The following PTPN23 variants were observed in gnomAD, a reference collection of about 807,000 sequenced individuals.
PTPN23 encodes tyrosine-protein phosphatase non-receptor type 23.
PTPN23 carries 72 observed loss-of-function variants against 156.3 expected under a neutral mutation model. The ratio of observed to expected loss-of-function variants is 0.46; its 90% CI spans 0.38 to 0.56. PTPN23 has a LOEUF of 0.56. PTPN23 is among the 20% of genes least tolerant of loss of function. PTPN23 has a pLI of 0.00. For missense variants in PTPN23, 1,974 were observed against 2,171.5 expected, an observed-to-expected ratio of 0.91 and a Z score of 1.81; for synonymous variants, 957 against 899.6, an observed-to-expected ratio of 1.06 and a Z score of -1.14.
Position 47,408,907 on chromosome 3 carries a change from A to C in PTPN23, c.1462A>C (p.Lys488Gln). ...GQAGAISITS[K>Q]AELAEVRREW... ...GGCAGGGGCCATCTCCATCACCTCC[A>C]AGGCTGAGCTGGCAGAGGTGAGGCG... The change falls in exon 16 of 25, where the codon AAG becomes CAG. Residue 488 changes from lysine to glutamine, a missense_variant. Around this residue, in one of 4 missense-constraint regions of PTPN23, gnomAD observed 726 missense variants for 929.5 expected, o/e 0.78. Coordinates refer to ENST00000265562, the MANE Select transcript of PTPN23 (RefSeq NM_015466.4). 3.7e-6 allele frequency: 6 copies of C among 1,614,254 alleles called. No individual in the cohort carries two copies. The highest frequency in any genetic ancestry group is 4.2e-6 in the Non-Finnish European group (5 of 1,180,046).
Position 47,407,249 on chromosome 3 carries a change from G to T in PTPN23, c.865-60G>T. The T allele has an allele frequency of 1.1e-5, 18 of 1,613,306 alleles. No homozygotes were observed. Among genetic ancestry groups the T allele is most frequent in the Non-Finnish European group, 1.4e-5 (17 of 1,179,404 alleles). On this transcript the variant is annotated intron_variant, in intron 10 of 24. Transcript: ENST00000265562. This position sits in a 1 kb window ranked among gnomAD's most constrained non-coding sequence, Gnocchi z 4.0. ...GGAGCAAGCCCGGTAGGACTGAGGG[G>T]GTGTCCTGGTGCCAGCCTTGGTTAG... is the stretch of plus-strand genomic sequence containing the variant.
intron 21 of PTPN23, 49 bp from the exon 22 acceptor site, chr3:47,412,045 A>G: frequency 6.2e-7 from 1 of 1,609,366 alleles, no homozygotes; most frequent in Non-Finnish European, 8.5e-7. Flanking sequence ...TGAGAGCCTC[A>G]GGTCAGGCCT....
At position 47,409,220 on chromosome 3, in the gene PTPN23, G is replaced by T; in HGVS notation, c.1700G>T (p.Arg567Leu). 1 of 1,614,118 alleles carries T rather than the reference G, an allele frequency of 6.2e-7. No homozygotes were observed. The highest frequency in any genetic ancestry group is 8.5e-7 in the Non-Finnish European group (1 of 1,180,030). ...KRILAKVQEM[R>L]DQRVSLEQQL... ...ATCCTGGCTAAGGTGCAGGAGATGC[G>T]GGACCAGCGCGTGTCCCTGGAGCAG... Residue 567 changes from arginine to leucine, a missense_variant, in exon 17 of 25, where the codon CGG (arginine) becomes CTG (leucine). Physicochemically the swap from Arg to Leu is moderately radical, Grantham distance 102. Around this residue, in one of 4 missense-constraint regions of PTPN23, gnomAD observed 726 missense variants for 929.5 expected, o/e 0.78. Coordinates refer to ENST00000265562, the MANE Select transcript of PTPN23 (RefSeq NM_015466.4).
In PTPN23 at chr3:47,407,395, CCT is replaced by C; in HGVS notation, c.923+31_923+32del. The C allele has an allele frequency of 1.9e-6, 3 of 1,613,196 alleles. No homozygotes were observed. Among genetic ancestry groups the C allele is most frequent in the Non-Finnish European group, 2.5e-6 (3 of 1,179,454 alleles). ...GAGTCTGTGGGGGTGGCCCTGGTTCCCTCTTTTTGTGAAGGGTCTTGTCCCTC... is the reference window on the plus strand; with the variant it reads ...GAGTCTGTGGGGGTGGCCCTGGTTCCCTTTTTGTGAAGGGTCTTGTCCCTC... On this transcript the variant is annotated intron_variant, in intron 11 of 24. Transcript: ENST00000265562. This position sits in a 1 kb window ranked among gnomAD's most constrained non-coding sequence, Gnocchi z 4.0.
At position 47,412,339 on chromosome 3, in the gene PTPN23, T is replaced by C; in HGVS notation, c.4235T>C (p.Val1412Ala). The change falls in exon 23 of 25, where the codon GTG becomes GCG. Residue 1412 changes from valine (V) to alanine (A), a missense_variant. Around this residue, in one of 4 missense-constraint regions of PTPN23, gnomAD observed 484 missense variants for 516.0 expected, o/e 0.94. Transcript: ENST00000265562. ...CTGCTCTATGCAGCTGTGCAGGAGG[T>C]GGAGGCTGGGAACGGAATCCCTGAG... ...FALLYAAVQE[V>A]EAGNGIPELP... The C allele has an allele frequency of 6.2e-7, 1 of 1,613,132 alleles. No individual in the cohort carries two copies. Among genetic ancestry groups the C allele is most frequent in the South Asian group, 1.1e-5 (1 of 91,072 alleles).
chr3:47,407,954 G>A lies in PTPN23; in HGVS notation c.1183G>A (p.Asp395Asn). Residue 395 changes from aspartate (D) to asparagine (N), a missense_variant and splice_region_variant, in exon 14 of 25, where the codon GAC becomes AAC. Physicochemically the swap from Asp to Asn is conservative, Grantham distance 23 (BLOSUM62 1). This residue lies in a region of PTPN23 where 726 missense variants were observed against 929.5 expected (regional missense o/e 0.78). Coordinates refer to ENST00000265562, the MANE Select transcript of PTPN23 (RefSeq NM_015466.4). This position sits in a 1 kb window ranked among gnomAD's most constrained non-coding sequence, Gnocchi z 4.0. Reference sequence around the variant, plus strand: ...GATTGAGGACAAGAATGAGGTCCTGGAGTGAGTGTGGGACTTGGGCAGGGA... The same window carrying A: ...GATTGAGGACAAGAATGAGGTCCTGAAGTGAGTGTGGGACTTGGGCAGGGA... ...AKIEDKNEVLDQFMDSMQLDP... is the reference protein window; with the variant it reads ...AKIEDKNEVLNQFMDSMQLDP... 1 of 1,613,574 alleles carries A rather than the reference G, an allele frequency of 6.2e-7. No individual in the cohort carries two copies. The highest frequency in any genetic ancestry group is 8.5e-7 in the Non-Finnish European group (1 of 1,179,836).
chr3:47,397,990 G>A (rs1704913972), intron 2 of PTPN23, among the ~76,000 whole-genome samples: 1 of 152,006 alleles, frequency 6.6e-6, no homozygotes, highest in Non-Finnish European at 1.5e-5. Flanking sequence ...TATTTTCTAT[G>A]TCAGTTATTC....
At chr3:47,398,216 T>C (rs1704919613) in intron 2 of PTPN23, among the ~76,000 whole-genome samples, 1 of 152,164 alleles carries the variant, frequency 6.6e-6, no homozygotes, top group Non-Finnish European at 1.5e-5. Context: ...GGAAAATTAC[T>C]TGAACCCAGG....
intron 2 of PTPN23, among the ~76,000 whole-genome samples, chr3:47,404,087 G>A (rs536129219): frequency 6.6e-6 from 1 of 152,216 alleles, no homozygotes; most frequent in East Asian, 1.9e-4. Context: ...AAAACTGTGG[G>A]CCAAAAGTTA....
Position 47,411,329 on chromosome 3 carries a change from G to A in PTPN23, c.3531G>A (p.Glu1177=), listed in dbSNP as rs1705283363. The change falls in exon 20 of 25, where the codon GAG becomes GAA. Residue 1177 remains glutamate (E), a synonymous_variant. Coordinates refer to ENST00000265562, the MANE Select transcript of PTPN23 (RefSeq NM_015466.4). This position sits in a 1 kb window ranked among gnomAD's most constrained non-coding sequence, Gnocchi z 6.3. ...AGAGGCTGCGGCAGTTGCAGCAGGA[G>A]CTGGAGGCCTTTCGGGGTCAGCTGG... The part of the protein sequence containing the change: ...HPERLRQLQQ[E]LEAFRGQLGD... 1 of 1,612,742 alleles carries A rather than the reference G, an allele frequency of 6.2e-7. No individual in the cohort carries two copies. The highest frequency in any genetic ancestry group is 1.7e-5 in the Admixed American group (1 of 60,008).
chr3:47,407,690 C>G lies in PTPN23; in HGVS notation c.1004-7C>G. 6.2e-7 allele frequency: 1 copy of G among 1,611,234 alleles called. No individual in the cohort carries two copies. The highest frequency in any genetic ancestry group is 8.5e-7 in the Non-Finnish European group (1 of 1,177,454). ...GGGCCTGATCTCCACAATTCCCACC[C>G]CCCCAGGAGCCCCCTTGGTGAAGCC... On this transcript the variant is annotated splice_region_variant and splice_polypyrimidine_tract_variant and intron_variant, in intron 12 of 24. Transcript: ENST00000265562. This position sits in a 1 kb window ranked among gnomAD's most constrained non-coding sequence, Gnocchi z 4.0.
At position 47,410,419 on chromosome 3, in the gene PTPN23, C is replaced by A; in HGVS notation, c.2621C>A (p.Ala874Asp). The part of the protein sequence containing the change: ...PPPQFSGPEL[A>D]MAVRPATTTV... ...CCTCAATTCTCAGGCCCCGAGTTGG[C>A]CATGGCGGTTCGGCCAGCCACCACC... Residue 874 changes from alanine to aspartate, a missense_variant, in exon 20 of 25, where the codon GCC becomes GAC. Around this residue, in one of 4 missense-constraint regions of PTPN23, gnomAD observed 731 missense variants for 669.1 expected, o/e 1.09. Transcript: ENST00000265562. 1 of 1,611,912 alleles carries A rather than the reference C, an allele frequency of 6.2e-7. No individual in the cohort carries two copies.
At chr3:47,391,801 C>T (rs1490609411) in intron 1 of PTPN23, among the ~76,000 whole-genome samples, 1 of 152,202 alleles carries the variant, frequency 6.6e-6, no homozygotes, top group Non-Finnish European at 1.5e-5. Flanking sequence ...GGCAAAACCT[C>T]TTACTGCAAG....
rs199522138 is a variant in PTPN23, at chr3:47,410,343, G to A, written c.2545G>A (p.Val849Met). The A allele has an allele frequency of 1.1e-4, 183 of 1,608,250 alleles. No individual in the cohort carries two copies. Among genetic ancestry groups the A allele is most frequent in the Middle Eastern group, 3.3e-4 (2 of 6,040 alleles). Reference sequence around the variant, plus strand: ...GCATGGCGTGGTGAGCAGTCCCTATGTGGGGGTAGGGCCGGCCCCACCAGT... The same window carrying A: ...GCATGGCGTGGTGAGCAGTCCCTATATGGGGGTAGGGCCGGCCCCACCAGT... ...PQHGVVSSPYVGVGPAPPVAG... is the reference protein window; with the variant it reads ...PQHGVVSSPYMGVGPAPPVAG... Residue 849 changes from valine to methionine, a missense_variant, in exon 20 of 25, where the codon GTG (valine) becomes ATG (methionine). Val to Met is a conservative substitution (Grantham distance 21). This residue lies in a region of PTPN23 where 731 missense variants were observed against 669.1 expected (regional missense o/e 1.09). Coordinates refer to ENST00000265562, the MANE Select transcript of PTPN23 (RefSeq NM_015466.4).
rs925814753 is a variant in PTPN23 at position 47,412,378 on chromosome 3, T to A, written c.4274T>A (p.Val1425Glu). 1.9e-6 allele frequency: 3 copies of A among 1,613,126 alleles called. No homozygotes were observed. Among genetic ancestry groups the A allele is most frequent in the Non-Finnish European group, 2.5e-6 (3 of 1,180,010 alleles). ...GNGIPELPQL[V>E]RRMRQQRKHM... Reference sequence around the variant, plus strand: ...GGAATCCCTGAGCTGCCTCAGCTGGTGCGGCGCATGCGGCAGCAGAGAAAG... The same window carrying A: ...GGAATCCCTGAGCTGCCTCAGCTGGAGCGGCGCATGCGGCAGCAGAGAAAG... The change falls in exon 23 of 25, where the codon GTG becomes GAG. Residue 1425 changes from valine (V) to glutamate (E), a missense_variant. Coordinates refer to ENST00000265562, the MANE Select transcript of PTPN23 (RefSeq NM_015466.4).
rs1448606676 is a variant in PTPN23, at chr3:47,409,972, C to T, written c.2174C>T (p.Pro725Leu). 1.3e-5 allele frequency: 20 copies of T among 1,582,234 alleles called. No homozygotes were observed. The South Asian group carries it at 1.3e-4, about 10-fold the overall frequency. The part of the protein sequence containing the change: ...KPPPRPTAPK[P>L]LLPRREESEA... ...CCGCCACGGCCCACAGCCCCAAAGC[C>T]GCTGCTGCCCCGCAGGGAGGAGAGT... is the stretch of plus-strand genomic sequence containing the variant. Residue 725 changes from proline to leucine, a missense_variant, in exon 20 of 25, where the codon CCG (proline) becomes CTG (leucine). Around this residue, in one of 4 missense-constraint regions of PTPN23, gnomAD observed 731 missense variants for 669.1 expected, o/e 1.09. Transcript: ENST00000265562.
chr3:47,383,143 C>G (rs779229027), intron 1 of PTPN23, among the ~76,000 whole-genome samples: 1 of 152,162 alleles, frequency 6.6e-6, no homozygotes, highest in Non-Finnish European at 1.5e-5. Flanking sequence ...TGTGCTTCAT[C>G]TACTGTGTGC....
In PTPN23 at chr3:47,406,675, A is replaced by G; in HGVS notation, c.760-28A>G. Reference sequence around the variant, plus strand: ...CTGAGTGGCCACAGCTCAGGAAGCAAGTCGTGGCGTCTCTTCTTCTTTCCC... The same window carrying G: ...CTGAGTGGCCACAGCTCAGGAAGCAGGTCGTGGCGTCTCTTCTTCTTTCCC... On this transcript the variant is annotated intron_variant, in intron 8 of 24. Coordinates refer to ENST00000265562, the MANE Select transcript of PTPN23 (RefSeq NM_015466.4). This position sits in a 1 kb window ranked among gnomAD's most constrained non-coding sequence, Gnocchi z 5.8. 1 of 1,613,998 alleles carries G rather than the reference A, an allele frequency of 6.2e-7. No individual in the cohort carries two copies. Among genetic ancestry groups the G allele is most frequent in the Non-Finnish European group, 8.5e-7 (1 of 1,179,968 alleles).
At chr3:47,395,114 C>G (rs1434352426) in intron 1 of PTPN23, among the ~76,000 whole-genome samples, 1 of 152,180 alleles carries the variant, frequency 6.6e-6, no homozygotes, top group Admixed American at 6.6e-5. Flanking sequence ...CCCAGGCTTC[C>G]CGGTTCCCAT....
Sources: gnomAD v4.1 joint callset for allele counts (sites outside exome capture counted in the v4.1 genomes callset) on GRCh38, gnomAD v4.1.1 for gene constraint, gnomAD v4.1.1 regional missense constraint, Gnocchi (gnomAD v3.1) non-coding constraint, MANE v1.5 for transcripts, NCBI Gene and HGNC (gene_info 2026-07-23, HGNC 2026-07-21) for gene names.